STIM1: variants seen among roughly 807,000 people sequenced by gnomAD.
STIM1 encodes the protein stromal interaction molecule 1.
STIM1 carries 25 observed loss-of-function variants against 74.7 expected under a neutral mutation model. That is an observed-to-expected ratio of 0.33 (90% CI 0.24 to 0.47). STIM1 has a LOEUF of 0.47. Among genes scored for constraint, STIM1 ranks in the 20% least tolerant of loss-of-function variants. The pLI, the probability that STIM1 is intolerant of heterozygous loss-of-function variation, is 1.00. For synonymous variants in STIM1, 328 were observed against 348.8 expected (o/e 0.94, Z 0.66); for missense variants, 728 against 920.8 (o/e 0.79, Z 2.71).
Position 4,021,420 on chromosome 11 carries a change from C to G in STIM1, c.271-2453C>G, listed in dbSNP as rs149572485. On this transcript the variant is annotated intron_variant, in intron 2 of 12. Transcript: ENST00000526596. ...GGATTACAGGCATGAGCCACCGTGC[C>G]CGGCCCCCAGTACAGTTTATTGAAG... Among the ~76,000 whole-genome samples, 3 of 152,342 alleles carry G rather than the reference C, an allele frequency of 2.0e-5. No individual in the cohort carries two copies. The East Asian group carries it at 5.8e-4, about 29-fold the overall frequency.
intron 7 of STIM1, 148 bp downstream of exon 7, chr11:4,074,827 G>A (rs933287479): frequency 2.1e-6 from 2 of 950,068 alleles, no homozygotes; most frequent in Admixed American, 5.2e-5. Context: ...CCAACAATAA[G>A]AGTTCAAGTT....
chr11:4,063,252 G>A (rs904364795), intron 5 of STIM1, among the ~76,000 whole-genome samples: 3 of 152,212 alleles, frequency 2.0e-5, no homozygotes, highest in African/African-American at 7.2e-5. Flanking sequence ...CATTTTAAGA[G>A]AGAGACTTAG....
chr11:3,862,714 T>C (rs181758356), intron 1 of STIM1, among the ~76,000 whole-genome samples: 1 of 152,184 alleles, frequency 6.6e-6, no homozygotes, highest in Admixed American at 6.5e-5. Flanking sequence ...CCAAAGTGTT[T>C]GGATTACAGA....
chr11:3,886,552 G>T (rs10160331), intron 1 of STIM1, among the ~76,000 whole-genome samples: 39,479 of 151,192 alleles, frequency 0.26, 5,786 homozygotes, highest in South Asian at 0.4. Flanking sequence ...GCCGGGTGTG[G>T]TGGCAGGCAC....
chr11:3,961,356 GA>G (rs1196962306), intron 1 of STIM1: 3 of 254,882 alleles, frequency 1.2e-5, no homozygotes, highest in Non-Finnish European at 2.5e-5. Context: ...AGGAAGGACT[GA>G]AACAACTCTA....
intron 4 of STIM1, among the ~76,000 whole-genome samples, chr11:4,058,138 A>G (rs1055463298): frequency 7.2e-5 from 11 of 152,208 alleles, no homozygotes; most frequent in Non-Finnish European, 2.9e-5. Context: ...AAGTGTTTCA[A>G]AGAGGAACCC....
intron 12 of STIM1, chr11:4,088,942 A>G: frequency 1.8e-6 from 1 of 551,478 alleles, no homozygotes. Flanking sequence ...ATAGAAGGAC[A>G]GGAATCAGGC....
rs117323373 is a variant in STIM1 at position 4,057,954 on chromosome 11, T to G, written c.498-1327T>G. 6.6e-5 allele frequency among the ~76,000 whole-genome samples: 10 copies of G among 152,304 alleles called. No individual in the cohort carries two copies. The East Asian group carries it at 1.9e-3, about 29-fold the overall frequency. On this transcript the variant is annotated intron_variant, in intron 4 of 12. Transcript: ENST00000526596. The stretch of plus-strand genomic sequence containing the variant: ...TGAGGACTGAATGAGGTATTGTATG[T>G]AAAGTATCAGAACAGTAGCAGACAC...
At chr11:3,972,389 A>G (rs1720146583) in intron 2 of STIM1, among the ~76,000 whole-genome samples, 1 of 152,178 alleles carries the variant, frequency 6.6e-6, no homozygotes, top group African/African-American at 2.4e-5. Flanking sequence ...CTAGATTCCT[A>G]TATACATTCT....
At chr11:3,937,787 C>G (rs190167347) in intron 1 of STIM1, among the ~76,000 whole-genome samples, 1 of 152,280 alleles carries the variant, frequency 6.6e-6, no homozygotes, top group East Asian at 1.9e-4. Flanking sequence ...TTTCTAGCTT[C>G]CACCACATTC....
chr11:4,089,458 G>T (rs144485603), intron 12 of STIM1, among the ~76,000 whole-genome samples: 8 of 152,316 alleles, frequency 5.3e-5, no homozygotes, highest in Non-Finnish European at 1.2e-4. Flanking sequence ...GAGAAGGCAA[G>T]ATATGGAGAG....
chr11:3,907,165 T>C (rs2092478914), intron 1 of STIM1, among the ~76,000 whole-genome samples: 1 of 152,158 alleles, frequency 6.6e-6, no homozygotes, highest in South Asian at 2.1e-4. Context: ...AAAAAGGGGT[T>C]TATAAGCTTG....
At chr11:3,899,949 G>A (rs879819393) in intron 1 of STIM1, among the ~76,000 whole-genome samples, 19 of 152,038 alleles carry the variant, frequency 1.2e-4, no homozygotes, top group Non-Finnish European at 2.2e-4. Flanking sequence ...TTGCATCAAT[G>A]TTCATCAAGG....
At chr11:3,960,741 A>G (rs1015163941) in intron 1 of STIM1, among the ~76,000 whole-genome samples, 2 of 152,164 alleles carry the variant, frequency 1.3e-5, no homozygotes, top group Non-Finnish European at 1.5e-5. Context: ...CTGCATATCT[A>G]TGTTTTGATC....
intron 2 of STIM1, among the ~76,000 whole-genome samples, chr11:4,006,982 TCTC>T (rs1427000554): frequency 5.9e-5 from 9 of 152,148 alleles, no homozygotes; most frequent in Non-Finnish European, 1.3e-4. Context: ...TGAATTCTCT[TCTC>T]TGGTGGATCA....
intron 1 of STIM1, among the ~76,000 whole-genome samples, chr11:3,944,049 A>C (rs976789730): frequency 6.6e-6 from 1 of 152,230 alleles, no homozygotes; most frequent in Admixed American, 6.5e-5. Context: ...AATAGACATC[A>C]ATAGTGAATG....
intron 5 of STIM1, among the ~76,000 whole-genome samples, chr11:4,066,308 G>A (rs894223900): frequency 2.6e-5 from 4 of 152,168 alleles, no homozygotes; most frequent in African/African-American, 9.7e-5. Context: ...GGGGTTGTGC[G>A]ATGCAGCTGG....
intron 2 of STIM1, among the ~76,000 whole-genome samples, chr11:3,983,439 C>T (rs1394028383): frequency 6.6e-6 from 1 of 152,152 alleles, no homozygotes; most frequent in Admixed American, 6.5e-5. Context: ...CTCCCTCTTT[C>T]CCTCTTTTTA....
chr11:4,035,378 C>T (rs532677972), intron 3 of STIM1, among the ~76,000 whole-genome samples: 48 of 151,370 alleles, frequency 3.2e-4, no homozygotes, highest in African/African-American at 1.1e-3. Context: ...ACTTTTTTTC[C>T]TGATATAATC....
Sources: gnomAD v4.1 joint callset for allele counts (sites outside exome capture counted in the v4.1 genomes callset) on GRCh38, gnomAD v4.1.1 for gene constraint, MANE v1.5 for transcripts, NCBI Gene and HGNC (gene_info 2026-07-23, HGNC 2026-07-21) for gene names.